KCNN2: variants seen among roughly 807,000 people sequenced by gnomAD.
The protein encoded by KCNN2 is potassium calcium-activated channel subfamily N member 2, also known as small conductance calcium-activated potassium channel protein 2.
In KCNN2, 24 loss-of-function variants were observed where a neutral mutation model predicts 55.5. The observed-to-expected ratio is 0.43, with a 90% CI of 0.31 to 0.61. KCNN2 has a LOEUF of 0.61. Among genes scored for constraint, KCNN2 ranks in the 20% least tolerant of loss-of-function variants. The probability of loss-of-function intolerance (pLI) is 0.08; values close to 1 mark genes in which losing one functional copy is unlikely to be tolerated. For synonymous variants in KCNN2, 431 were observed against 336.1 expected (o/e 1.28, Z -3.09); for missense variants, 754 against 853.6 (o/e 0.88, Z 1.45).
At chr5:114,155,946 A>G (rs1327969611) in intron 1 of KCNN2, among the ~76,000 whole-genome samples, 1 of 152,070 alleles carries the variant, frequency 6.6e-6, no homozygotes, top group Non-Finnish European at 1.5e-5. Context: ...TCATCATTAA[A>G]TCTTTGCCCA....
At chr5:114,126,419 A>G (rs2112604757) in intron 1 of KCNN2, among the ~76,000 whole-genome samples, 1 of 152,244 alleles carries the variant, frequency 6.6e-6, no homozygotes, top group East Asian at 1.9e-4. Context: ...AGCAGCAAGC[A>G]GAAGAATGAG....
intron 1 of KCNN2, among the ~76,000 whole-genome samples, chr5:114,164,646 A>G (rs989712677): frequency 1.3e-5 from 2 of 152,192 alleles, no homozygotes; most frequent in African/African-American, 4.8e-5. Context: ...GAATGTGTCC[A>G]TTAAAATTGG....
intron 2 of KCNN2, among the ~76,000 whole-genome samples, chr5:114,332,043 G>A (rs570943879): frequency 6.6e-6 from 1 of 152,292 alleles, no homozygotes; most frequent in South Asian, 2.1e-4. Flanking sequence ...AGACTTAGAT[G>A]TGAATTATTT....
intron 3 of KCNN2, among the ~76,000 whole-genome samples, chr5:114,423,076 A>G (rs1759516807): frequency 6.6e-6 from 1 of 152,146 alleles, no homozygotes; most frequent in Admixed American, 6.5e-5. Context: ...ACCTGAAGTA[A>G]AACAAGGGAT....
intron 1 of KCNN2, among the ~76,000 whole-genome samples, chr5:114,119,101 A>T (rs1274611591): frequency 6.6e-6 from 1 of 152,216 alleles, no homozygotes; most frequent in African/African-American, 2.4e-5. Context: ...AATATTACTA[A>T]AGCAGTATTG....
intron 1 of KCNN2, among the ~76,000 whole-genome samples, chr5:114,220,845 A>T (rs1754123309): frequency 6.7e-6 from 1 of 148,478 alleles, no homozygotes; most frequent in Admixed American, 6.7e-5. Flanking sequence ...AAAAAAAAAA[A>T]GTTAAAGTCA....
At chr5:114,286,062 G>A (rs2061330) in intron 2 of KCNN2, among the ~76,000 whole-genome samples, 42,405 of 151,650 alleles carry the variant, frequency 0.28, 6,283 homozygotes, top group African/African-American at 0.36. Context: ...TGGGATTACA[G>A]GCATGTGCCA....
intron 3 of KCNN2, among the ~76,000 whole-genome samples, chr5:114,430,985 A>T (rs1759775061): frequency 6.6e-6 from 1 of 152,108 alleles, no homozygotes; most frequent in Non-Finnish European, 1.5e-5. Context: ...CTTTAAGTAA[A>T]CTTGCTAACA....
chr5:114,242,677 A>G (rs893181874), intron 2 of KCNN2, among the ~76,000 whole-genome samples: 23 of 152,332 alleles, frequency 1.5e-4, no homozygotes, highest in African/African-American at 5.1e-4. Flanking sequence ...GAAGGAAGGA[A>G]GCAAATCGAT....
Position 114,098,498 on chromosome 5 carries a change from A to G in KCNN2, c.-271+41998A>G, listed in dbSNP as rs565338040. 2.1e-4 allele frequency among the ~76,000 whole-genome samples: 32 copies of G among 152,190 alleles called. 1 individual carries two copies. In the South Asian group the frequency reaches 5.6e-3, roughly 27 times the overall value. ...AGATTCTCACAGGAACATGAACCCTATTGTGAACTGTGCATGTGAGGGATC... is the reference window on the plus strand; with the variant it reads ...AGATTCTCACAGGAACATGAACCCTGTTGTGAACTGTGCATGTGAGGGATC... On this transcript the variant is annotated intron_variant, in intron 1 of 10. Transcript: ENST00000512097.
chr5:114,396,076 T>G (rs1421253436), intron 2 of KCNN2, among the ~76,000 whole-genome samples: 1 of 152,202 alleles, frequency 6.6e-6, no homozygotes, highest in Non-Finnish European at 1.5e-5. Flanking sequence ...CCTCCAGCCC[T>G]TGGCCCTTTG....
rs546446084 is a variant in KCNN2, at chr5:114,393,860, G to A, written c.1219-10578G>A. Among the ~76,000 whole-genome samples the A allele has an allele frequency of 2.7e-3, 408 of 148,944 alleles. 3 individuals are homozygous for A. Among genetic ancestry groups the A allele is most frequent in the African/African-American group, 9.8e-3 (397 of 40,634 alleles). The stretch of plus-strand genomic sequence containing the variant: ...ACGTTTCTTCATCTTTTATTTAATG[G>A]CATACTATTCATTTTATGGCCATTC... On this transcript the variant is annotated intron_variant, in intron 2 of 7. Coordinates refer to ENST00000673685, the MANE Select transcript of KCNN2 (RefSeq NM_021614.4).
chr5:114,076,776 C>T (rs1750692471), intron 1 of KCNN2, among the ~76,000 whole-genome samples: 1 of 152,160 alleles, frequency 6.6e-6, no homozygotes, highest in African/African-American at 2.4e-5. Flanking sequence ...TTACTGCAAC[C>T]TCAGCCTCCC....
At chr5:114,330,601 A>C (rs1756800080) in intron 2 of KCNN2, among the ~76,000 whole-genome samples, 3 of 140,348 alleles carry the variant, frequency 2.1e-5, no homozygotes, top group Non-Finnish European at 1.5e-5. Context: ...CTTTGTCAAC[A>C]TGTTATGCTT....
chr5:114,091,438 A>C (rs1236429437), intron 1 of KCNN2, among the ~76,000 whole-genome samples: 1 of 152,216 alleles, frequency 6.6e-6, no homozygotes, highest in Non-Finnish European at 1.5e-5. Context: ...TAAGATCCTG[A>C]GTTCAGATGA....
intron 2 of KCNN2, among the ~76,000 whole-genome samples, chr5:114,238,308 T>G (rs955636185): frequency 2.0e-5 from 3 of 152,220 alleles, no homozygotes; most frequent in African/African-American, 4.8e-5. Flanking sequence ...TTCTCTTTTT[T>G]TAGACTTAAA....
chr5:114,076,551 G>A (rs750515944), intron 1 of KCNN2, among the ~76,000 whole-genome samples: 1 of 152,220 alleles, frequency 6.6e-6, no homozygotes, highest in African/African-American at 2.4e-5. Flanking sequence ...TGACATGAGT[G>A]TCAGATCTGG....
intron 3 of KCNN2, among the ~76,000 whole-genome samples, chr5:114,418,569 A>G (rs1333016335): frequency 2.0e-5 from 3 of 151,232 alleles, no homozygotes; most frequent in Admixed American, 6.6e-5. Flanking sequence ...CAATGGGGCA[A>G]GTGGGGCTGG....
intron 1 of KCNN2, among the ~76,000 whole-genome samples, chr5:114,171,072 ACTCT>A (rs1180143677): frequency 7.3e-5 from 11 of 151,516 alleles, no homozygotes; most frequent in African/African-American, 2.7e-4. Flanking sequence ...ACTGATCCTG[ACTCT>A]CTATCTTTCC....
Sources: allele counts gnomAD v4.1 joint callset (sites outside exome capture counted in the v4.1 genomes callset), GRCh38; gene constraint gnomAD v4.1.1; transcripts MANE v1.5; gene names NCBI Gene and HGNC (gene_info 2026-07-23, HGNC 2026-07-21).